TLK2: variants seen among roughly 807,000 people sequenced by gnomAD.
The protein encoded by TLK2 is serine/threonine-protein kinase tousled-like 2.
Under a neutral mutation model 117.3 loss-of-function variants are expected in TLK2, and 6 were observed. The observed-to-expected ratio is 0.05, with a 90% confidence interval of 0.03 to 0.10. The LOEUF (loss-of-function observed/expected upper bound fraction) is 0.10, where lower values mean the gene tolerates loss of function less well. Ranked by LOEUF, TLK2 falls within the 10% of genes least tolerant of loss-of-function variation. TLK2 has a pLI of 1.00. For synonymous variants in TLK2, 257 were observed against 316.7 expected, an observed-to-expected ratio of 0.81 and a Z score of 2.00; for missense variants, 299 against 901.2, an observed-to-expected ratio of 0.33 and a Z score of 8.56.
At chr17:62,558,059 CAT>C (rs1435515909) in intron 9 of TLK2, among the ~76,000 whole-genome samples, 1 of 152,042 alleles carries the variant, frequency 6.6e-6, no homozygotes, top group Non-Finnish European at 1.5e-5. Context: ...GGAAAGACTA[CAT>C]GTCTTGTATA....
chr17:62,480,888 A>G (rs1288950050), intron 1 of TLK2, among the ~76,000 whole-genome samples: 2 of 152,242 alleles, frequency 1.3e-5, no homozygotes, highest in Non-Finnish European at 2.9e-5. Flanking sequence ...AATCAGAACT[A>G]GGGAAGAAAA....
chr17:62,558,591 C>T (rs1257001065), intron 9 of TLK2, among the ~76,000 whole-genome samples: 2 of 152,190 alleles, frequency 1.3e-5, no homozygotes, highest in Admixed American at 6.5e-5. Flanking sequence ...TTATAGATTT[C>T]AAGGGAACAC....
At chr17:62,553,256 T>G (rs574360998) in intron 8 of TLK2, among the ~76,000 whole-genome samples, 5 of 152,222 alleles carry the variant, frequency 3.3e-5, no homozygotes, top group South Asian at 2.1e-4. Context: ...TCAGGTAGCT[T>G]CTTCTCTTCC....
rs538294440 is a variant in TLK2, at chr17:62,577,081, G to A, written c.1188+306G>A. Among the ~76,000 whole-genome samples, 7 of 149,358 alleles carry A rather than the reference G, an allele frequency of 4.7e-5. No homozygotes were observed. The East Asian group carries it at 1.4e-3, about 30-fold the overall frequency. ...GGGCTCAAGCGATTCTCGTGTCTCA[G>A]CCTCCTGACTAGCTGGGATTACAGG... On this transcript the variant is annotated intron_variant, in intron 13 of 21. Transcript: ENST00000346027.
At chr17:62,570,314 A>G (rs2146554863) in intron 11 of TLK2, among the ~76,000 whole-genome samples, 1 of 152,262 alleles carries the variant, frequency 6.6e-6, no homozygotes, top group African/African-American at 2.4e-5. Flanking sequence ...AGATGGATTT[A>G]TTGGGTCCTC....
At chr17:62,487,945 C>CTT (rs1309154435) in intron 2 of TLK2, among the ~76,000 whole-genome samples, 1 of 117,844 alleles carries the variant, frequency 8.5e-6, no homozygotes, top group African/African-American at 3.2e-5. Flanking sequence ...TAAGTTCTCA[C>CTT]TTTTTTTTTT....
intron 7 of TLK2, among the ~76,000 whole-genome samples, chr17:62,549,030 C>T (rs2078176450): frequency 6.7e-6 from 1 of 150,074 alleles, no homozygotes; most frequent in Admixed American, 6.6e-5. Context: ...TGAGCCACTG[C>T]ACCCAGTCTA....
At chr17:62,486,322 T>C (rs191621295) in intron 2 of TLK2, among the ~76,000 whole-genome samples, 186 of 151,934 alleles carry the variant, frequency 1.2e-3, no homozygotes, top group African/African-American at 4.3e-3. Flanking sequence ...TATTCTCAGC[T>C]AATTTTTATA....
At chr17:62,481,457 T>G (rs969746431) in intron 2 of TLK2, among the ~76,000 whole-genome samples, 27 of 152,212 alleles carry the variant, frequency 1.8e-4, no homozygotes, top group African/African-American at 6.5e-4. Context: ...TCATGGTTCT[T>G]GTTACAAGGA....
At chr17:62,521,433 C>T (rs781588005) in intron 3 of TLK2, among the ~76,000 whole-genome samples, 19 of 152,176 alleles carry the variant, frequency 1.2e-4, no homozygotes, top group Non-Finnish European at 2.4e-4. Flanking sequence ...GAGACATGGC[C>T]TCGCTCTGTC....
chr17:62,601,752 G>C (rs1479464815), intron 18 of TLK2, among the ~76,000 whole-genome samples: 1 of 152,138 alleles, frequency 6.6e-6, no homozygotes, highest in Non-Finnish European at 1.5e-5. Flanking sequence ...CATCAGTTTT[G>C]ACCAAGTGAA....
At chr17:62,566,336 T>G (rs553053578) in intron 11 of TLK2, among the ~76,000 whole-genome samples, 1 of 152,214 alleles carries the variant, frequency 6.6e-6, no homozygotes, top group African/African-American at 2.4e-5. Context: ...AAGAAACTTA[T>G]GCCTGAAAGA....
At chr17:62,608,186 T>G in intron 21 of TLK2, 38 bp downstream of exon 21, 4 of 1,543,864 alleles carry the variant, frequency 2.6e-6, no homozygotes, top group South Asian at 2.3e-5. Flanking sequence ...CAGAAACGGC[T>G]GCTTTGCTTT....
chr17:62,527,504 C>G (rs1176062452), intron 6 of TLK2, among the ~76,000 whole-genome samples: 1 of 152,058 alleles, frequency 6.6e-6, no homozygotes, highest in African/African-American at 2.4e-5. Flanking sequence ...TGGCTAGCCA[C>G]TAGCCTGACC....
chr17:62,492,698 A>G (rs1429385396), intron 2 of TLK2, among the ~76,000 whole-genome samples: 1 of 151,552 alleles, frequency 6.6e-6, no homozygotes, highest in Non-Finnish European at 1.5e-5. Flanking sequence ...CTCTCAGGTG[A>G]TCCACCCACC....
intron 11 of TLK2, among the ~76,000 whole-genome samples, chr17:62,569,724 G>T (rs933078196): frequency 1.3e-5 from 2 of 152,038 alleles, no homozygotes; most frequent in Middle Eastern, 3.2e-3. Context: ...ACCGCGCCCG[G>T]CCACATTTTT....
chr17:62,569,750 A>G (rs1026197629), intron 11 of TLK2, among the ~76,000 whole-genome samples: 2 of 151,980 alleles, frequency 1.3e-5, no homozygotes, highest in Non-Finnish European at 2.9e-5. Context: ...TACCTTTACT[A>G]CTAGTTACTT....
chr17:62,577,471 C>A (rs1423262620), intron 13 of TLK2, among the ~76,000 whole-genome samples: 1 of 152,134 alleles, frequency 6.6e-6, no homozygotes, highest in Non-Finnish European at 1.5e-5. Context: ...AGCTCTTATT[C>A]CTTGCCTAAA....
At chr17:62,518,117 G>A (rs142446419) in intron 2 of TLK2, among the ~76,000 whole-genome samples, 209 of 152,286 alleles carry the variant, frequency 1.4e-3, no homozygotes, top group Admixed American at 5.6e-3. Context: ...GGGTTGCTAA[G>A]CTTGTGGCAG....
Sources: gnomAD v4.1 joint callset for allele counts (sites outside exome capture counted in the v4.1 genomes callset) on GRCh38, gnomAD v4.1.1 for gene constraint, MANE v1.5 for transcripts, NCBI Gene and HGNC (gene_info 2026-07-23, HGNC 2026-07-21) for gene names.